The following PPP1R2 variants were observed in gnomAD, a reference collection of about 807,000 sequenced individuals.
The protein encoded by PPP1R2 is protein phosphatase 1 regulatory inhibitor subunit 2.
PPP1R2 carries 16 observed loss-of-function variants against 29.9 expected under a neutral mutation model. The ratio of observed to expected loss-of-function variants is 0.53; its 90% CI spans 0.36 to 0.81. The LOEUF (loss-of-function observed/expected upper bound fraction) is 0.81. PPP1R2 is among the 30% of genes least tolerant of loss of function. The pLI, the probability that PPP1R2 is intolerant of heterozygous loss-of-function variation, is 0.00. For missense variants in PPP1R2, 197 were observed against 252.7 expected (o/e 0.78, Z 1.49); for synonymous variants, 76 against 91.5 (o/e 0.83, Z 0.96).
rs188662244 is a variant in PPP1R2, at chr3:195,518,629, T to C, written c.571+389A>G. On this transcript the variant is annotated intron_variant, in intron 5 of 5. Transcript: ENST00000618156. ...TCACGCCACTGCACTCCAGCCTGGGTGACAGAGCGAGACTCTGTCTCAAAA... is the reference window on the plus strand; with the variant it reads ...TCACGCCACTGCACTCCAGCCTGGGCGACAGAGCGAGACTCTGTCTCAAAA... Among the ~76,000 whole-genome samples the C allele has an allele frequency of 6.2e-3, 929 of 149,682 alleles. 5 individuals are homozygous for C. The highest frequency in any genetic ancestry group is 9.6e-3 in the Non-Finnish European group (649 of 67,728).
rs760267191 is a variant in PPP1R2 at position 195,524,812 on chromosome 3, T to C, written c.308+7A>G. The C allele has an allele frequency of 3.7e-6, 6 of 1,613,908 alleles. No homozygotes were observed. The highest frequency in any genetic ancestry group is 1.6e-4 in the Middle Eastern group (1 of 6,062). ...AGTGAAAATGTGCTCCGGTCATTAG[T>C]ACTTACTTCCTGGCTAAGATGTCTG... On this transcript the variant is annotated splice_region_variant and intron_variant, in intron 3 of 5. Transcript: ENST00000618156.
At chr3:195,527,358 G>A (rs941491163) in intron 2 of PPP1R2, among the ~76,000 whole-genome samples, 8 of 152,050 alleles carry the variant, frequency 5.3e-5, no homozygotes, top group Non-Finnish European at 1.2e-4. Flanking sequence ...GCTGAGGCAC[G>A]AGAATCTCTT....
chr3:195,530,638 G>A (rs1297746652), intron 1 of PPP1R2, among the ~76,000 whole-genome samples: 1 of 152,008 alleles, frequency 6.6e-6, no homozygotes, highest in Non-Finnish European at 1.5e-5. Flanking sequence ...CGCTTCCCCT[G>A]TCTCAGCCTC....
At chr3:195,517,911 T>C (rs1402981889) in intron 5 of PPP1R2, among the ~76,000 whole-genome samples, 1 of 152,188 alleles carries the variant, frequency 6.6e-6, no homozygotes, top group African/African-American at 2.4e-5. Context: ...ATCCTGACAC[T>C]ATGAGACAGC....
At chr3:195,521,028 T>C (rs927352903) in intron 4 of PPP1R2, among the ~76,000 whole-genome samples, 4 of 152,006 alleles carry the variant, frequency 2.6e-5, no homozygotes, top group South Asian at 2.1e-4. Flanking sequence ...TTAAAACTTA[T>C]ACTGAAGTCC....
intron 1 of PPP1R2, among the ~76,000 whole-genome samples, chr3:195,531,908 C>G (rs533992320): frequency 6.6e-6 from 1 of 152,354 alleles, no homozygotes; most frequent in African/African-American, 2.4e-5. Flanking sequence ...ACTTCTATCT[C>G]TAGAAATGTG....
At chr3:195,521,427 G>T (rs891538679) in intron 4 of PPP1R2, among the ~76,000 whole-genome samples, 27 of 150,078 alleles carry the variant, frequency 1.8e-4, no homozygotes, top group African/African-American at 6.1e-4. Flanking sequence ...TTTTAAAATC[G>T]TTACAAGTTG....
chr3:195,514,452 T>C lies in PPP1R2; in HGVS notation c.*2444A>G, dbSNP rs1206910349. The C allele has an allele frequency of 6.6e-6, 1 of 152,222 alleles. No homozygotes were observed. The highest frequency in any genetic ancestry group is 2.4e-5 in the African/African-American group (1 of 41,446). 9.4% of individuals were successfully genotyped at this position (152,222 alleles called of 1,614,324 possible). On this transcript the variant is annotated 3_prime_UTR_variant, in exon 6 of 6. Transcript: ENST00000618156. ...GTCATATTATTGTATTTTATTACAG[T>C]ACGTGTAGTGTATACTAACTGAAAG...
At chr3:195,523,900 A>C in intron 3 of PPP1R2, 114 bp from the exon 4 acceptor site, 1 of 880,750 alleles carries the variant, frequency 1.1e-6, no homozygotes. Flanking sequence ...TGTGCTAGCT[A>C]TAACCTGATG....
At chr3:195,535,625 T>C (rs967533892) in intron 1 of PPP1R2, among the ~76,000 whole-genome samples, 14 of 152,158 alleles carry the variant, frequency 9.2e-5, no homozygotes, top group African/African-American at 2.7e-4. Context: ...GATGATTTGA[T>C]AGAGATGAGT....
At chr3:195,542,137 A>G (rs1459559366) in intron 1 of PPP1R2, among the ~76,000 whole-genome samples, 3 of 152,218 alleles carry the variant, frequency 2.0e-5, no homozygotes, top group Admixed American at 1.3e-4. Flanking sequence ...TTCTCCGTGC[A>G]TAAACGCCTA....
intron 4 of PPP1R2, among the ~76,000 whole-genome samples, chr3:195,523,412 G>A (rs1379925120): frequency 1.3e-5 from 2 of 152,146 alleles, no homozygotes; most frequent in Non-Finnish European, 2.9e-5. Flanking sequence ...AATTTAAAAA[G>A]TATTTACTGA....
intron 4 of PPP1R2, 176 bp from the exon 5 acceptor site, chr3:195,519,361 C>A: frequency 4.3e-6 from 2 of 461,802 alleles, no homozygotes; most frequent in South Asian, 1.0e-4. Flanking sequence ...CTGGGCCCTG[C>A]AAAATTTAAA....
At position 195,523,830 on chromosome 3, in the gene PPP1R2, A is replaced by G. The variant is rs768496272; in HGVS notation, c.309-44T>C. On this transcript the variant is annotated intron_variant, in intron 3 of 5. Transcript: ENST00000618156. ...CAAAGAAATTAACAGTGATGTTTTG[A>G]TATTATTTAAGCGCCTTATTCAACT... 5 of 1,512,642 alleles carry G rather than the reference A, an allele frequency of 3.3e-6. No individual in the cohort carries two copies. In the Admixed American group the frequency reaches 6.9e-5, roughly 21 times the overall value. The allele number at this position is 1,512,642 out of a possible 1,614,324, so 93.7% of individuals were successfully genotyped here.
intron 2 of PPP1R2, among the ~76,000 whole-genome samples, chr3:195,528,528 TGAC>T (rs1719058952): frequency 6.6e-6 from 1 of 152,072 alleles, no homozygotes; most frequent in African/African-American, 2.4e-5. Flanking sequence ...TTTCACCCAC[TGAC>T]TTAAAATACA....
At chr3:195,535,920 C>T (rs894285003) in intron 1 of PPP1R2, among the ~76,000 whole-genome samples, 14 of 152,136 alleles carry the variant, frequency 9.2e-5, no homozygotes, top group Admixed American at 7.2e-4. Context: ...CTCCTTCTAT[C>T]GCCTTTATCA....
At chr3:195,519,399 T>C (rs543006028) in intron 4 of PPP1R2, 73 of 446,882 alleles carry the variant, frequency 1.6e-4, no homozygotes, top group African/African-American at 1.5e-3. Flanking sequence ...TTCATCTCAA[T>C]GGAAGAACAA....
chr3:195,527,062 C>T (rs755073145), intron 2 of PPP1R2, among the ~76,000 whole-genome samples: 1 of 151,922 alleles, frequency 6.6e-6, no homozygotes, highest in Non-Finnish European at 1.5e-5. Context: ...GGATTACAGG[C>T]GTGAGCTGCT....
rs145440132 is a variant in PPP1R2 at position 195,542,143 on chromosome 3, GCCTA to G, written c.122+757_122+760del. Among the ~76,000 whole-genome samples the G allele has an allele frequency of 8.7e-4, 132 of 152,150 alleles. 1 individual carries two copies. In the East Asian group the frequency reaches 0.022, roughly 26 times the overall value. On this transcript the variant is annotated intron_variant, in intron 1 of 5. Transcript: ENST00000618156. ...TGCAACATTTTCTCCGTGCATAAACGCCTACCTTTCTTTTTTTAAAGGCTAGTAT... is the reference window on the plus strand; with the variant it reads ...TGCAACATTTTCTCCGTGCATAAACGCCTTTCTTTTTTTAAAGGCTAGTAT...
Sources: gnomAD v4.1 joint callset for allele counts (sites outside exome capture counted in the v4.1 genomes callset) on GRCh38, gnomAD v4.1.1 for gene constraint, MANE v1.5 for transcripts, NCBI Gene and HGNC (gene_info 2026-07-23, HGNC 2026-07-21) for gene names.